Variants in DNAJC15 observed in about 807,000 individuals in gnomAD.
The protein encoded by DNAJC15 is dnaJ homolog subfamily C member 15.
DNAJC15 carries 27 observed loss-of-function variants against 22.4 expected under a neutral mutation model. The ratio of observed to expected loss-of-function variants is 1.20; its 90% CI spans 0.89 to 1.66. DNAJC15 has a LOEUF of 1.66. Among genes scored for constraint, DNAJC15 ranks in the 40% most tolerant of loss-of-function variants. DNAJC15 has a pLI of 0.00. For missense variants in DNAJC15, 208 were observed against 187.1 expected (o/e 1.11, Z -0.65); for synonymous variants, 79 against 63.2 (o/e 1.25, Z -1.19).
chr13:43,051,300 G>GT (rs947775303), intron 1 of DNAJC15, among the ~76,000 whole-genome samples: 1 of 152,088 alleles, frequency 6.6e-6, no homozygotes, highest in African/African-American at 2.4e-5. Context: ...ATTTCAATAA[G>GT]TTTTGGGGGA....
intron 5 of DNAJC15, among the ~76,000 whole-genome samples, chr13:43,087,720 A>G (rs1160733162): frequency 6.6e-6 from 1 of 152,180 alleles, no homozygotes; most frequent in African/African-American, 2.4e-5. Flanking sequence ...CTACCAGCTG[A>G]TAGAACAAGT....
rs550656857 is a variant in DNAJC15 at position 43,069,977 on chromosome 13, T to C, written c.234+974T>C. On this transcript the variant is annotated intron_variant, in intron 3 of 5. Coordinates refer to ENST00000379221, the MANE Select transcript of DNAJC15 (RefSeq NM_013238.3). ...TCATTTTTTCCAAATTTATAATTTA[T>C]TGGAGGACAGAATGTCATGTTAATA... is the stretch of plus-strand genomic sequence containing the variant. Among the ~76,000 whole-genome samples, 110 of 152,320 alleles carry C rather than the reference T, an allele frequency of 7.2e-4. 1 individual carries two copies. The highest frequency in any genetic ancestry group is 2.5e-3 in the African/African-American group (103 of 41,574).
At chr13:43,072,815 C>T (rs1226211205) in intron 3 of DNAJC15, among the ~76,000 whole-genome samples, 3 of 152,214 alleles carry the variant, frequency 2.0e-5, no homozygotes, top group African/African-American at 7.2e-5. Context: ...CCACCCACCT[C>T]AACCTCCCAA....
chr13:43,033,568 T>C (rs1042403714), intron 1 of DNAJC15, among the ~76,000 whole-genome samples: 3 of 152,378 alleles, frequency 2.0e-5, no homozygotes, highest in African/African-American at 4.8e-5. Context: ...TTTTGGCTGC[T>C]TGTGGCTGTG....
intron 4 of DNAJC15, among the ~76,000 whole-genome samples, chr13:43,084,864 G>C (rs1343579615): frequency 1.3e-5 from 2 of 152,112 alleles, no homozygotes; most frequent in Non-Finnish European, 2.9e-5. Context: ...GAGACATAAA[G>C]AGTTTTGAGA....
At chr13:43,062,406 T>C (rs2153440712) in intron 1 of DNAJC15, among the ~76,000 whole-genome samples, 1 of 152,294 alleles carries the variant, frequency 6.6e-6, no homozygotes, top group South Asian at 2.1e-4. Context: ...AAATGGCAAG[T>C]GAATCCCTAG....
chr13:43,087,289 C>G (rs1040600036), intron 5 of DNAJC15, among the ~76,000 whole-genome samples: 2 of 152,304 alleles, frequency 1.3e-5, no homozygotes, highest in South Asian at 4.1e-4. Context: ...TCAGAAAGTT[C>G]ATGCACTTCC....
chr13:43,024,882 C>T (rs1158429053), intron 1 of DNAJC15, among the ~76,000 whole-genome samples: 1 of 44,642 alleles, frequency 2.2e-5, no homozygotes, highest in Non-Finnish European at 5.4e-5. Flanking sequence ...CACAGGAGAC[C>T]CCATCTCTGC....
chr13:43,036,728 G>A (rs1049975623), intron 1 of DNAJC15, among the ~76,000 whole-genome samples: 18 of 152,258 alleles, frequency 1.2e-4, no homozygotes, highest in Non-Finnish European at 2.5e-4. Flanking sequence ...CCCATGCCAA[G>A]CTACTACCCT....
At position 43,051,634 on chromosome 13, in the gene DNAJC15, G is replaced by GGTGTGTGTGTGT. The variant is rs57271276; in HGVS notation, c.109-14035_109-14024dup. On this transcript the variant is annotated intron_variant, in intron 1 of 5. Transcript: ENST00000379221. ...TTTTTATGGCTGAGTAGTACTTCATGGTGTGTGTGTGTGTGTGTGTGTGTG... is the reference window on the plus strand; with the variant it reads ...TTTTTATGGCTGAGTAGTACTTCATGGTGTGTGTGTGTGTGTGTGTGTGTGTGTGTGTGTGTG... Among the ~76,000 whole-genome samples, 804 of 133,136 alleles carry GGTGTGTGTGTGT rather than the reference G, an allele frequency of 6.0e-3. 14 individuals carry two copies. In the East Asian group the frequency reaches 0.079, roughly 13 times the overall value. The allele number at this position is 133,136 out of a possible 152,430, so 87.3% of individuals were successfully genotyped here.
rs2040790620 is a variant in DNAJC15, at chr13:43,105,217, A to ACAGGCTGCC, written c.383-1961_383-1960insCAGGCTGCC. 2.0e-5 allele frequency among the ~76,000 whole-genome samples: 3 copies of ACAGGCTGCC among 152,048 alleles called. No individual in the cohort carries two copies. The South Asian group carries it at 6.2e-4, about 32-fold the overall frequency. ...CTGCTGCCTCACAGGCTGCCACTAG[A>ACAGGCTGCC]ACTGTGGGAGAAGCACAGTTGCTGC... On this transcript the variant is annotated intron_variant, in intron 5 of 5. Coordinates refer to ENST00000379221, the MANE Select transcript of DNAJC15 (RefSeq NM_013238.3).
chr13:43,067,523 A>AT (rs1374507425), intron 2 of DNAJC15, among the ~76,000 whole-genome samples: 1 of 152,118 alleles, frequency 6.6e-6, no homozygotes, highest in Non-Finnish European at 1.5e-5. Flanking sequence ...ATAAAGATGT[A>AT]TTTTTTCCAG....
At chr13:43,100,205 CTTTTTTTTTTT>C (rs368386623) in intron 5 of DNAJC15, among the ~76,000 whole-genome samples, 2 of 110,512 alleles carry the variant, frequency 1.8e-5, no homozygotes. Flanking sequence ...TTATTGAAGT[CTTTTTTTTTTT>C]TTTTTTTTTG....
intron 1 of DNAJC15, among the ~76,000 whole-genome samples, chr13:43,045,416 C>T (rs1008956177): frequency 6.6e-6 from 1 of 152,180 alleles, no homozygotes; most frequent in Non-Finnish European, 1.5e-5. Context: ...AATCCAAGCT[C>T]CCCGAGTGCA....
intron 5 of DNAJC15, among the ~76,000 whole-genome samples, chr13:43,101,020 A>G (rs144548517): frequency 2.0e-5 from 3 of 152,184 alleles, no homozygotes; most frequent in Non-Finnish European, 2.9e-5. Flanking sequence ...TTTTGTCTCT[A>G]ATAACATTTT....
intron 3 of DNAJC15, among the ~76,000 whole-genome samples, chr13:43,075,510 C>G (rs1381629956): frequency 6.6e-6 from 1 of 152,156 alleles, no homozygotes. Flanking sequence ...GTAGTTCAGG[C>G]ATGATTTAAA....
intron 1 of DNAJC15, among the ~76,000 whole-genome samples, chr13:43,059,076 G>A (rs1197508635): frequency 1.3e-5 from 2 of 152,108 alleles, no homozygotes; most frequent in Non-Finnish European, 2.9e-5. Context: ...AAAAGTTCAC[G>A]GTGTGAGTCT....
At chr13:43,090,874 A>T (rs1858503999) in intron 5 of DNAJC15, among the ~76,000 whole-genome samples, 1 of 151,048 alleles carries the variant, frequency 6.6e-6, no homozygotes. Context: ...CACCTGGCTA[A>T]TTTTTTTGTA....
At chr13:43,023,880 A>G in intron 1 of DNAJC15, 146 bp downstream of exon 1, 1 of 767,942 alleles carries the variant, frequency 1.3e-6, no homozygotes, top group East Asian at 2.7e-5. Context: ...CAGTGGAGAG[A>G]CCGCTTTGTG....
Sources: gnomAD v4.1 joint callset for allele counts (sites outside exome capture counted in the v4.1 genomes callset) on GRCh38, gnomAD v4.1.1 for gene constraint, MANE v1.5 for transcripts, NCBI Gene and HGNC (gene_info 2026-07-23, HGNC 2026-07-21) for gene names.